IRX2: variants seen among roughly 807,000 people sequenced by gnomAD.
The protein encoded by IRX2 is iroquois homeobox 2, also known as iroquois-class homeodomain protein IRX-2.
A neutral mutation model predicts 42.9 loss-of-function variants in IRX2; 26 were observed. That is an observed-to-expected ratio of 0.61 (90% confidence interval 0.44 to 0.84). IRX2 has a LOEUF of 0.84. Ranked by LOEUF, IRX2 falls within the 40% of genes least tolerant of loss-of-function variation. The probability of loss-of-function intolerance (pLI) is 0.00; values close to 1 mark genes in which losing one functional copy is unlikely to be tolerated. For synonymous variants in IRX2, 424 were observed against 353.9 expected (o/e 1.20, Z -2.22); for missense variants, 782 against 713.9 (o/e 1.10, Z -1.09).
chr5:2,740,245 T>G, the IRX2 span, among the ~76,000 whole-genome samples: 1 of 151,820 alleles, frequency 6.6e-6, no homozygotes, highest in African/African-American at 2.4e-5. Context: ...TCCCTGGCCG[T>G]CGCTGCCTCC....
rs1216689742 is a variant in IRX2, at chr5:2,747,037, G to A, written c.*527C>T. On this transcript the variant is annotated 3_prime_UTR_variant, in exon 4 of 4. Coordinates refer to ENST00000302057, the MANE Select transcript of IRX2 (RefSeq NM_033267.5). ...GACAGGGCTGATAAAAGACTAGTAC[G>A]CCTCGTGTCTCTTCAGTCTTATTTT... The A allele has an allele frequency of 3.3e-5, 5 of 152,036 alleles. No individual in the cohort carries two copies. The highest frequency in any genetic ancestry group is 1.5e-5 in the Non-Finnish European group (1 of 68,014). The allele number at this position is 152,036 out of a possible 1,614,324, so 9.4% of individuals were successfully genotyped here. A position where few individuals can be genotyped will look rare whatever the true frequency, so the allele number is the denominator to read the frequency against.
chr5:2,737,717 C>T, the IRX2 span: 2 of 152,304 alleles, frequency 1.3e-5, no homozygotes, highest in Non-Finnish European at 2.9e-5. Context: ...CATGTCTACC[C>T]GTAGTAGTCA....
rs1410922966 is a variant in IRX2, at chr5:2,748,374, G to A, written c.1334C>T (p.Ser445Phe). 1.4e-6 allele frequency: 2 copies of A among 1,464,006 alleles called. No homozygotes were observed. The highest frequency in any genetic ancestry group is 2.6e-5 in the Admixed American group (1 of 37,758). 90.7% of individuals were successfully genotyped at this position (1,464,006 alleles called of 1,614,324 possible). ...GAHPLESHYR[S>F]PGGGYEPKKD... ...CTTGGGCTCGTAGCCGCCGCCCGGG[G>A]ACCGGTAGTGGGACTCGAGCGGGTG... is the stretch of plus-strand genomic sequence containing the variant. The change falls in exon 3 of 4, where the codon TCC (serine) becomes TTC (phenylalanine). Residue 445 changes from serine (S) to phenylalanine (F), a missense_variant. Transcript: ENST00000302057.
downstream of IRX2, among the ~76,000 whole-genome samples, chr5:2,744,194 C>T (rs1737609498): frequency 6.6e-6 from 1 of 151,910 alleles, no homozygotes; most frequent in Non-Finnish European, 1.5e-5. Context: ...TTTACCCCTG[C>T]TCCAATGCCT....
downstream of IRX2, among the ~76,000 whole-genome samples, chr5:2,741,200 C>G (rs757987550): frequency 6.6e-6 from 1 of 152,234 alleles, no homozygotes; most frequent in South Asian, 2.1e-4. Context: ...AGGGTTAAAC[C>G]GTTCGATTTG....
intron 2 of IRX2, 110 bp downstream of exon 2, chr5:2,749,272 T>C (rs1239329935): frequency 6.8e-7 from 1 of 1,470,934 alleles, no homozygotes; most frequent in African/African-American, 1.4e-5. Context: ...CGGCTGGGGC[T>C]CCGGCCCGGA....
chr5:2,738,700 A>C, the IRX2 span, among the ~76,000 whole-genome samples: 1 of 149,518 alleles, frequency 6.7e-6, no homozygotes, highest in African/African-American at 2.5e-5. Context: ...TCCCCATCTG[A>C]CCCTCACCAC....
At chr5:2,749,200 T>G in intron 2 of IRX2, 148 bp from the exon 3 acceptor site, 1 of 1,457,800 alleles carries the variant, frequency 6.9e-7, no homozygotes, top group Non-Finnish European at 9.0e-7. Flanking sequence ...GAGCCTGACC[T>G]CCCCGGGAAG....
chr5:2,748,496 G>C lies in IRX2; in HGVS notation c.1212C>G (p.Gly404=). The C allele has an allele frequency of 6.3e-7, 1 of 1,581,364 alleles. No individual in the cohort carries two copies. Among genetic ancestry groups the C allele is most frequent in the Non-Finnish European group, 8.6e-7 (1 of 1,165,328 alleles). ...NYGNLNAALQ[G]QGLLRYNSAA... Reference sequence around the variant, plus strand: ...CAGAGTTGTACCGCAGGAGACCCTGGCCCTGCAGCGCCGCGTTCAAGTTCC... The same window carrying C: ...CAGAGTTGTACCGCAGGAGACCCTGCCCCTGCAGCGCCGCGTTCAAGTTCC... Residue 404 remains glycine (G), a synonymous_variant, in exon 3 of 4, where the codon GGC becomes GGG. Transcript: ENST00000302057.
chr5:2,751,172 G>A lies in IRX2; in HGVS notation c.242C>T (p.Ser81Phe). 2 of 1,265,590 alleles carry A rather than the reference G, an allele frequency of 1.6e-6. No homozygotes were observed. Among genetic ancestry groups the A allele is most frequent in the Non-Finnish European group, 2.0e-6 (2 of 1,007,094 alleles). 78.4% of individuals were successfully genotyped at this position (1,265,590 alleles called of 1,614,324 possible). Residue 81 changes from serine (S) to phenylalanine (F), a missense_variant, in exon 1 of 4, where the codon TCC becomes TTC. By Grantham distance (155) the Ser-to-Phe change is radical. Transcript: ENST00000302057. This position sits in a 1 kb window ranked among gnomAD's most constrained non-coding sequence, Gnocchi z 4.0. ...CCGCCCGCGCCCGGTTACCATGTAG[G>A]ACGGGAAGCCGGCGGCGGCGGCGGC... is the stretch of plus-strand genomic sequence containing the variant. Reference protein sequence around the residue: ...DAAAAAAGFPSYMGAPYDAHT... With the variant: ...DAAAAAAGFPFYMGAPYDAHT...
the IRX2 span, chr5:2,737,757 C>T: frequency 6.6e-6 from 1 of 152,340 alleles, no homozygotes; most frequent in African/African-American, 2.4e-5. Flanking sequence ...CCGCCTGAGG[C>T]TGCCAGTTCT....
intron 1 of IRX2, 106 bp from the exon 2 acceptor site, chr5:2,749,893 G>T: frequency 2.5e-6 from 3 of 1,210,038 alleles, no homozygotes; most frequent in Non-Finnish European, 3.4e-6. Context: ...CCCCCCGTGA[G>T]TCTGGCTCTG....
chr5:2,750,786 A>G (rs952429595), intron 1 of IRX2, among the ~76,000 whole-genome samples: 2 of 152,210 alleles, frequency 1.3e-5, no homozygotes, highest in African/African-American at 2.4e-5. Context: ...CCCCACGCCA[A>G]TGCAGGCGAG....
chr5:2,746,505 C>G lies in IRX2; in HGVS notation c.*1059G>C, dbSNP rs145727253. On this transcript the variant is annotated 3_prime_UTR_variant, in exon 4 of 4. Coordinates refer to ENST00000302057, the MANE Select transcript of IRX2 (RefSeq NM_033267.5). ...TACCGTGGCAATGAAGTGATCAATTCAAGATATCCTGAGAAAAACAGATTG... is the reference window on the plus strand; with the variant it reads ...TACCGTGGCAATGAAGTGATCAATTGAAGATATCCTGAGAAAAACAGATTG... 1.3e-5 allele frequency: 2 copies of G among 152,378 alleles called. No homozygotes were observed. Among genetic ancestry groups the G allele is most frequent in the East Asian group, 3.9e-4 (2 of 5,184 alleles). 9.4% of individuals were successfully genotyped at this position (152,378 alleles called of 1,614,324 possible).
the IRX2 span, among the ~76,000 whole-genome samples, chr5:2,739,235 C>A: frequency 6.6e-6 from 1 of 152,244 alleles, no homozygotes; most frequent in African/African-American, 2.4e-5. Flanking sequence ...CCGAGCCCGC[C>A]GGCCCTCGCT....
chr5:2,738,519 T>C, the IRX2 span, among the ~76,000 whole-genome samples: 1 of 151,990 alleles, frequency 6.6e-6, no homozygotes, highest in African/African-American at 2.4e-5. Flanking sequence ...GGCCGAGTTG[T>C]CCTCCCGGCC....
At chr5:2,737,711 T>A in the IRX2 span, 1 of 152,306 alleles carries the variant, frequency 6.6e-6, no homozygotes, top group Admixed American at 6.5e-5. Flanking sequence ...CCATCTCATG[T>A]CTACCCGTAG....
the IRX2 span, chr5:2,736,839 G>A: frequency 6.6e-6 from 1 of 152,206 alleles, no homozygotes; most frequent in Non-Finnish European, 1.5e-5. Context: ...ATATGTTGAT[G>A]ACTTCCATGC....
At position 2,748,852 on chromosome 5, in the gene IRX2, A is replaced by ACGAGGTCACGGGCTTGGGCGGCG; in HGVS notation, c.833_855dup (p.Ser286ArgfsTer6). 1.3e-6 allele frequency: 2 copies of ACGAGGTCACGGGCTTGGGCGGCG among 1,580,492 alleles called. No homozygotes were observed. Among genetic ancestry groups the ACGAGGTCACGGGCTTGGGCGGCG allele is most frequent in the Non-Finnish European group, 1.7e-6 (2 of 1,173,064 alleles). ...GGCGCCTCCAAGCCGGTAAGCGGCG[A>ACGAGGTCACGGGCTTGGGCGGCG]CGAGGTCACGGGCTTGGGCGGCGCC... On this transcript the variant is annotated stop_gained and frameshift_variant, in exon 3 of 4. Coordinates refer to ENST00000302057, the MANE Select transcript of IRX2 (RefSeq NM_033267.5). LOFTEE classifies it high-confidence loss of function.
Sources: gnomAD v4.1 joint callset for allele counts (sites outside exome capture counted in the v4.1 genomes callset) on GRCh38, gnomAD v4.1.1 for gene constraint, Gnocchi (gnomAD v3.1) non-coding constraint, MANE v1.5 for transcripts, NCBI Gene and HGNC (gene_info 2026-07-23, HGNC 2026-07-21) for gene names.